Variants in DAPK1 observed in about 807,000 individuals in gnomAD.
The protein encoded by DAPK1 is death-associated protein kinase 1.
Under a neutral mutation model 144.9 loss-of-function variants are expected in DAPK1, and 56 were observed. The ratio of observed to expected loss-of-function variants is 0.39; its 90% CI spans 0.31 to 0.48. The LOEUF (loss-of-function observed/expected upper bound fraction) is 0.48. Ranked by LOEUF, DAPK1 falls within the 20% of genes least tolerant of loss-of-function variation. The probability of loss-of-function intolerance (pLI) is 0.95; values close to 1 mark genes in which losing one functional copy is unlikely to be tolerated. For missense variants in DAPK1, 1,454 were observed against 1,875.4 expected (o/e 0.78, Z 4.15); for synonymous variants, 690 against 749.0 (o/e 0.92, Z 1.29).
chr9:87,643,347 C>CA (rs1554695944), intron 10 of DAPK1, 29 bp from the exon 11 acceptor site: 3 of 1,002,514 alleles, frequency 3.0e-6, no homozygotes, highest in African/African-American at 2.3e-5. Context: ...CCCGCCCTCC[C>CA]TTTTTTTTTT....
intron 17 of DAPK1, 101 bp from the exon 18 acceptor site, chr9:87,657,928 C>G (rs898480979): frequency 1.4e-6 from 1 of 712,830 alleles, no homozygotes; most frequent in African/African-American, 1.7e-5. Flanking sequence ...TTCCTCCTTT[C>G]TGGTGGGCCC....
chr9:87,546,806 C>G (rs1157645), intron 2 of DAPK1, among the ~76,000 whole-genome samples: 135,350 of 152,172 alleles, frequency 0.89, 60,401 homozygotes, highest in African/African-American at 0.96. Context: ...ACTCCGATGA[C>G]GTTAGAAGAG....
chr9:87,671,619 GC>G (rs1440618759), intron 19 of DAPK1, among the ~76,000 whole-genome samples: 3 of 151,600 alleles, frequency 2.0e-5, no homozygotes, highest in African/African-American at 7.3e-5. Context: ...TCTTGCCTCA[GC>G]CTCCCAAGTA....
intron 25 of DAPK1, 23 bp downstream of exon 25, chr9:87,703,240 AG>A (rs769259889): frequency 3.7e-5 from 55 of 1,505,690 alleles, no homozygotes; most frequent in Non-Finnish European, 4.6e-5. Flanking sequence ...GAGCCCAGGC[AG>A]GGGGCCGTGA....
upstream of DAPK1, chr9:87,497,755 T>G (rs1203054852): frequency 3.2e-6 from 1 of 313,468 alleles, no homozygotes; most frequent in Non-Finnish European, 5.8e-6. Context: ...AGCGCCGGCC[T>G]GGCAGGGCAG....
intron 2 of DAPK1, among the ~76,000 whole-genome samples, chr9:87,538,092 T>C (rs898349284): frequency 1.3e-5 from 2 of 152,224 alleles, no homozygotes; most frequent in African/African-American, 4.8e-5. Flanking sequence ...ACAATCTCAA[T>C]GTCATTGTTT....
intron 24 of DAPK1, chr9:87,701,858 A>G: frequency 2.1e-6 from 1 of 470,056 alleles, no homozygotes; most frequent in Non-Finnish European, 4.4e-6. Flanking sequence ...TTCACACCAG[A>G]TATCCTCGTT....
chr9:87,579,393 T>G (rs1185828567), intron 2 of DAPK1, among the ~76,000 whole-genome samples: 1 of 152,204 alleles, frequency 6.6e-6, no homozygotes, highest in Non-Finnish European at 1.5e-5. Context: ...ATTTAACATC[T>G]TGCAGTCATC....
At chr9:87,542,658 G>A (rs949220129) in intron 2 of DAPK1, among the ~76,000 whole-genome samples, 1 of 152,178 alleles carries the variant, frequency 6.6e-6, no homozygotes, top group African/African-American at 2.4e-5. Flanking sequence ...AGGTAGGAAA[G>A]ATCATTCCCA....
chr9:87,639,622 A>G (rs1830027116), intron 5 of DAPK1, 28 bp from the exon 6 acceptor site: 3 of 1,613,988 alleles, frequency 1.9e-6, no homozygotes, highest in South Asian at 2.2e-5. Context: ...CTTCCTCCCA[A>G]GCTAAATGAG....
At chr9:87,678,150 G>A (rs1564065874) in intron 19 of DAPK1, among the ~76,000 whole-genome samples, 1 of 152,188 alleles carries the variant, frequency 6.6e-6, no homozygotes, top group Non-Finnish European at 1.5e-5. Context: ...TACAGATCAT[G>A]GTTTGGTGCC....
At chr9:87,703,924 T>C (rs924139051) in intron 25 of DAPK1, among the ~76,000 whole-genome samples, 1 of 152,158 alleles carries the variant, frequency 6.6e-6, no homozygotes, top group African/African-American at 2.4e-5. Context: ...CATGAACTAG[T>C]GTGGGCCAAG....
At chr9:87,543,188 G>T (rs577286175) in intron 2 of DAPK1, among the ~76,000 whole-genome samples, 1 of 152,194 alleles carries the variant, frequency 6.6e-6, no homozygotes, top group Non-Finnish European at 1.5e-5. Flanking sequence ...ATTCTTGGTC[G>T]GGGCTGTGAT....
intron 3 of DAPK1, among the ~76,000 whole-genome samples, chr9:87,620,769 A>G (rs574546323): frequency 6.6e-6 from 1 of 152,056 alleles, no homozygotes; most frequent in African/African-American, 2.4e-5. Flanking sequence ...TAGCCCAGGC[A>G]GATTGATTTT....
intron 17 of DAPK1, among the ~76,000 whole-genome samples, chr9:87,652,974 C>T: frequency 7.2e-6 from 1 of 138,874 alleles, no homozygotes; most frequent in East Asian, 2.2e-4. Flanking sequence ...GATCCCAGGT[C>T]CTGATTCTGT....
intron 2 of DAPK1, among the ~76,000 whole-genome samples, chr9:87,564,562 G>A (rs1469033371): frequency 2.1e-5 from 3 of 139,620 alleles, no homozygotes; most frequent in Non-Finnish European, 4.7e-5. Flanking sequence ...TTTCATGGCA[G>A]AAGGCAAGAG....
chr9:87,516,341 G>A (rs1012539274), intron 2 of DAPK1, among the ~76,000 whole-genome samples: 3 of 152,096 alleles, frequency 2.0e-5, no homozygotes, highest in Non-Finnish European at 4.4e-5. Flanking sequence ...TTCTCCCAGC[G>A]GGCCCGTTCT....
At chr9:87,703,940 C>T (rs3793647) in intron 25 of DAPK1, among the ~76,000 whole-genome samples, 23,727 of 152,056 alleles carry the variant, frequency 0.16, 2,264 homozygotes, top group East Asian at 0.44. Flanking sequence ...CCAAGAAGAG[C>T]GGTTCTGAAT....
chr9:87,638,005 C>G lies in DAPK1; in HGVS notation c.347C>G (p.Ala116Gly). 6.2e-7 allele frequency: 1 copy of G among 1,614,126 alleles called. No homozygotes were observed. The highest frequency in any genetic ancestry group is 1.1e-5 in the South Asian group (1 of 91,084). ...AAGGAATCTTTAACTGAAGAGGAAG[C>G]AACTGAATTTCTCAAACAAATTCTT... is the stretch of plus-strand genomic sequence containing the variant. ...AEKESLTEEE[A>G]TEFLKQILNG... is the part of the protein sequence containing the mutation. Residue 116 changes from alanine (A) to glycine (G), a missense_variant, in exon 4 of 26, where the codon GCA becomes GGA. Transcript: ENST00000408954.
Sources: allele counts gnomAD v4.1 joint callset (sites outside exome capture counted in the v4.1 genomes callset), GRCh38; gene constraint gnomAD v4.1.1; transcripts MANE v1.5; gene names NCBI Gene and HGNC (gene_info 2026-07-23, HGNC 2026-07-21).